The following MS4A18 variants were observed in gnomAD, a reference collection of about 807,000 sequenced individuals.
The protein encoded by MS4A18 is membrane spanning 4-domains A18, also known as membrane-spanning 4-domains subfamily A member 18.
A neutral mutation model predicts 13.1 loss-of-function variants in MS4A18; 27 were observed. The observed-to-expected ratio is 2.06, with a 90% CI of 1.52 to 2.84. The LOEUF (loss-of-function observed/expected upper bound fraction) is 2.84, where lower values mean the gene tolerates loss of function less well. Among genes scored for constraint, MS4A18 ranks in the 30% most tolerant of loss-of-function variants. The pLI, the probability that MS4A18 is intolerant of heterozygous loss-of-function variation, is 0.00. For missense variants in MS4A18, 307 were observed against 196.4 expected (o/e 1.56, Z -3.37); for synonymous variants, 126 against 76.5 (o/e 1.65, Z -3.38).
At chr11:60,733,673 T>C (rs1853291790) in intron 2 of MS4A18, 26 bp downstream of exon 3, 3 of 703,330 alleles carry the variant, frequency 4.3e-6, no homozygotes, top group Non-Finnish European at 7.8e-6. Flanking sequence ...TATGGTCTCC[T>C]TCCTGGGTCA....
chr11:60,725,229 T>C (rs1241937822), upstream of MS4A18, among the ~76,000 whole-genome samples: 3 of 152,214 alleles, frequency 2.0e-5, no homozygotes, highest in Admixed American at 6.5e-5. Context: ...AGTCTCGCTC[T>C]GTCACCCAGG....
chr11:60,738,249 G>T (rs1381293298), intron 3 of MS4A18, among the ~76,000 whole-genome samples: 1 of 152,158 alleles, frequency 6.6e-6, no homozygotes, highest in African/African-American at 2.4e-5. Flanking sequence ...GAGGACTTCA[G>T]CCTCTCAGCA....
At position 60,733,553 on chromosome 11, in the gene MS4A18, GC is replaced by G. The variant is rs1853287806; in HGVS notation, c.499del (p.Leu167Ter). The G allele has an allele frequency of 1.4e-6, 1 of 703,150 alleles. No individual in the cohort carries two copies. The highest frequency in any genetic ancestry group is 2.0e-5 in the Admixed American group (1 of 49,998). The allele number at this position is 703,150 out of a possible 1,614,324, so 43.6% of individuals were successfully genotyped here. ...CTGCAGGCCATCCAGATCCTCATCG[GC>G]CTGACGCACATTTTCTCTGCAATTA... On this transcript the variant is annotated frameshift_variant, in exon 2 of 6. Coordinates refer to ENST00000529108, the Ensembl canonical transcript of MS4A18. LOFTEE classifies it high-confidence loss of function.
At chr11:60,728,043 TG>T (rs1554966294), upstream of MS4A18, among the ~76,000 whole-genome samples, 1 of 152,166 alleles carries the variant, frequency 6.6e-6, no homozygotes, top group Non-Finnish European at 1.5e-5. Flanking sequence ...TGGACCATAA[TG>T]GTTTAAACAC....
chr11:60,737,524 C>T (rs1175324408), intron 3 of MS4A18, among the ~76,000 whole-genome samples: 1 of 152,178 alleles, frequency 6.6e-6, no homozygotes, highest in African/African-American at 2.4e-5. Flanking sequence ...AAAGTGAGAG[C>T]AATACCTGCC....
At chr11:60,724,773 A>AAAGACTTCCCAGGAGCACAAGGT (rs1565057466), upstream of MS4A18, among the ~76,000 whole-genome samples, 1 of 152,228 alleles carries the variant, frequency 6.6e-6, no homozygotes, top group African/African-American at 2.4e-5. Context: ...AAGAGCATCC[A>AAAGACTTCCCAGGAGCACAAGGT]AAGACTTCCC....
intron 4 of MS4A18, 59 bp from the exon 6 acceptor site, chr11:60,740,948 GTGTGTGGCACTCCAAATGTGGAC>G (rs1214400607): frequency 4.3e-6 from 3 of 698,216 alleles, no homozygotes; most frequent in Non-Finnish European, 7.8e-6. Flanking sequence ...TCCAGGTGAG[GTGTGTGGCACTCCAAATGTGGAC>G]TGTCACCTAG....
chr11:60,733,079 G>A (rs543967222), intron 1 of MS4A18, among the ~76,000 whole-genome samples: 15 of 152,334 alleles, frequency 9.8e-5, no homozygotes, highest in Non-Finnish European at 1.8e-4. Context: ...GGAATGCTAC[G>A]TTTTCTAGGA....
chr11:60,727,790 G>C (rs1047871891), upstream of MS4A18, among the ~76,000 whole-genome samples: 1 of 152,092 alleles, frequency 6.6e-6, no homozygotes, highest in Non-Finnish European at 1.5e-5. Flanking sequence ...GGATATCTTC[G>C]CATCTAATAA....
upstream of MS4A18, among the ~76,000 whole-genome samples, chr11:60,728,486 C>A (rs528158018): frequency 1.4e-5 from 2 of 142,120 alleles, no homozygotes; most frequent in East Asian, 4.1e-4. Context: ...TGTCTTCCTC[C>A]CTCCTTCCCT....
At chr11:60,727,740 CAAGTA>C (rs1853187025), upstream of MS4A18, among the ~76,000 whole-genome samples, 1 of 152,168 alleles carries the variant, frequency 6.6e-6, no homozygotes, top group Non-Finnish European at 1.5e-5. Flanking sequence ...CAACAATTAA[CAAGTA>C]AAGTACACTA....
At position 60,732,743 on chromosome 11, in the gene MS4A18, A is replaced by G. The variant is rs541063060; in HGVS notation, c.478-791A>G. ...AAGACTCCGTCTCAAAAAAAAAAAA[A>G]AAAAAAAAAGAAACACCTACTGCAT... On this transcript the variant is annotated intron_variant, in intron 1 of 5. Transcript: ENST00000529108. 1.7e-4 allele frequency among the ~76,000 whole-genome samples: 25 copies of G among 151,418 alleles called. No individual in the cohort carries two copies. The East Asian group carries it at 4.7e-3, about 28-fold the overall frequency.
rs543790888 is a variant in MS4A18 at position 60,733,473 on chromosome 11, C to T, written c.478-61C>T. On this transcript the variant is annotated intron_variant, in intron 1 of 5. Transcript: ENST00000529108. ...TGGGGCACAGCCAGGGTGCAAAGCA[C>T]AGCTCCACAGCCCACAGGCCCGCAG... 170 of 702,030 alleles carry T rather than the reference C, an allele frequency of 2.4e-4. 2 individuals are homozygous for T. Among genetic ancestry groups the T allele is most frequent in the South Asian group, 2.3e-3 (156 of 67,358 alleles). 43.5% of individuals were successfully genotyped at this position (702,030 alleles called of 1,614,324 possible). A position where few individuals can be genotyped will look rare whatever the true frequency, so the allele number is the denominator to read the frequency against.
At chr11:60,744,345 T>G, downstream of MS4A18, 1 of 274,970 alleles carries the variant, frequency 3.6e-6, no homozygotes, top group Non-Finnish European at 6.9e-6. Context: ...GTCCAACTTC[T>G]TCCCAGTCCG....
chr11:60,740,580 A>G (rs1045813667), intron 4 of MS4A18, among the ~76,000 whole-genome samples: 4 of 152,210 alleles, frequency 2.6e-5, no homozygotes, highest in Admixed American at 2.6e-4. Flanking sequence ...TAGCCAGTGC[A>G]CTTGTTGAAA....
In MS4A18 at chr11:60,737,203, A is replaced by T. The variant is rs1373420555; in HGVS notation, c.648+169A>T. 2.6e-5 allele frequency among the ~76,000 whole-genome samples: 4 copies of T among 152,196 alleles called. No individual in the cohort carries two copies. In the East Asian group the frequency reaches 7.7e-4, roughly 29 times the overall value. On this transcript the variant is annotated intron_variant, in intron 3 of 5. Coordinates refer to ENST00000529108, the Ensembl canonical transcript of MS4A18. ...CCCCATCACTCTGTGAAGCTGTATT[A>T]TCCCCATTTTTCAGAGGAGAAAATT...
chr11:60,743,944 A>G (rs751082567), exon 6 of MS4A18: 1 of 703,074 alleles, frequency 1.4e-6, no homozygotes, highest in Middle Eastern at 2.3e-4. Flanking sequence ...CAGTTGTGTC[A>G]ATGCTATCCA....
intron 4 of MS4A18, among the ~76,000 whole-genome samples, chr11:60,740,483 G>A (rs1853399136): frequency 6.6e-6 from 1 of 152,216 alleles, no homozygotes; most frequent in Non-Finnish European, 1.5e-5. Context: ...AGAAAGCCAG[G>A]AGCCAGACAG....
intron 1 of MS4A18, among the ~76,000 whole-genome samples, chr11:60,730,258 T>A (rs1853233839): frequency 1.3e-5 from 2 of 152,240 alleles, no homozygotes; most frequent in Non-Finnish European, 2.9e-5. Flanking sequence ...TCCTTTTCAA[T>A]CAAGGGGGCC....
Sources: allele counts gnomAD v4.1 joint callset (sites outside exome capture counted in the v4.1 genomes callset), GRCh38; gene constraint gnomAD v4.1.1; transcripts MANE v1.5; gene names NCBI Gene and HGNC (gene_info 2026-07-23, HGNC 2026-07-21).